Variants in ZNF804A observed in about 807,000 individuals in gnomAD.
The protein encoded by ZNF804A is zinc finger protein 804A.
Under a neutral mutation model 16.5 loss-of-function variants are expected in ZNF804A, and 2 were observed. The observed-to-expected ratio is 0.12, with a 90% confidence interval of 0.05 to 0.38. The LOEUF is 0.38. ZNF804A is among the 10% of genes least tolerant of loss of function. ZNF804A has a pLI of 0.99. For synonymous variants in ZNF804A, 534 were observed against 489.6 expected, an observed-to-expected ratio of 1.09 and a Z score of -1.20; for missense variants, 1,473 against 1,390.7, an observed-to-expected ratio of 1.06 and a Z score of -0.94.
chr2:184,707,696 G>A (rs747209898), intron 1 of ZNF804A, among the ~76,000 whole-genome samples: 11 of 152,068 alleles, frequency 7.2e-5, no homozygotes, highest in Non-Finnish European at 1.2e-4. Flanking sequence ...CTATGGATGA[G>A]CATCTAGGTT....
At chr2:184,761,828 A>T (rs1342178464) in intron 1 of ZNF804A, among the ~76,000 whole-genome samples, 3 of 152,134 alleles carry the variant, frequency 2.0e-5, no homozygotes, top group African/African-American at 7.2e-5. Flanking sequence ...AATAGAACTG[A>T]GATGAACTTT....
chr2:184,901,256 G>A (rs1055084000), intron 2 of ZNF804A, among the ~76,000 whole-genome samples: 1 of 152,074 alleles, frequency 6.6e-6, no homozygotes, highest in East Asian at 1.9e-4. Context: ...TGGGATAAAC[G>A]ATTACAAAGG....
chr2:184,865,058 T>C (rs766413362), intron 1 of ZNF804A, among the ~76,000 whole-genome samples: 2 of 151,888 alleles, frequency 1.3e-5, no homozygotes, highest in Admixed American at 6.6e-5. Flanking sequence ...TTTTATATTT[T>C]TAGTAGAGAC....
At chr2:184,888,137 T>G (rs1292054856) in intron 2 of ZNF804A, among the ~76,000 whole-genome samples, 1 of 152,200 alleles carries the variant, frequency 6.6e-6, no homozygotes. Flanking sequence ...AAATTTTTAA[T>G]GAAAATTTAG....
At chr2:184,643,624 A>T (rs1460859840) in intron 1 of ZNF804A, among the ~76,000 whole-genome samples, 1 of 151,890 alleles carries the variant, frequency 6.6e-6, no homozygotes, top group African/African-American at 2.4e-5. Context: ...TTTATTGTGG[A>T]TTCTTCTAAT....
intron 1 of ZNF804A, among the ~76,000 whole-genome samples, chr2:184,655,807 T>A (rs1692066300): frequency 6.6e-6 from 1 of 152,044 alleles, no homozygotes; most frequent in Admixed American, 6.6e-5. Flanking sequence ...CCTTAACAAT[T>A]ACCATAAAAA....
At chr2:184,906,085 G>T (rs1204663778) in intron 2 of ZNF804A, among the ~76,000 whole-genome samples, 2 of 152,044 alleles carry the variant, frequency 1.3e-5, no homozygotes, top group East Asian at 3.9e-4. Context: ...TGTCATATTT[G>T]ATCATTGGAA....
At chr2:184,639,688 A>C (rs1691760604) in intron 1 of ZNF804A, among the ~76,000 whole-genome samples, 1 of 152,120 alleles carries the variant, frequency 6.6e-6, no homozygotes, top group South Asian at 2.1e-4. Context: ...ATAAATTTTT[A>C]TTTTGGAGGA....
chr2:184,643,394 T>C lies in ZNF804A; in HGVS notation c.111+44324T>C, dbSNP rs73043222. 7.2e-3 allele frequency among the ~76,000 whole-genome samples: 1,097 copies of C among 152,068 alleles called. 11 individuals are homozygous for C. Among genetic ancestry groups the C allele is most frequent in the African/African-American group, 0.025 (1,042 of 41,540 alleles). On this transcript the variant is annotated intron_variant, in intron 1 of 3. Transcript: ENST00000302277. The stretch of plus-strand genomic sequence containing the variant: ...GTCTAGGAGTCTTTTCTCATAGTAA[T>C]GTTGTGAAGAATGTACAATATACTT...
chr2:184,600,700 G>GA (rs148323086), intron 1 of ZNF804A, among the ~76,000 whole-genome samples: 2,015 of 151,276 alleles, frequency 0.013, 28 homozygotes, highest in African/African-American at 0.046. Context: ...GGGGTTTATA[G>GA]AAAAAAAAAG....
At chr2:184,605,526 A>C (rs1691131346) in intron 1 of ZNF804A, among the ~76,000 whole-genome samples, 1 of 152,112 alleles carries the variant, frequency 6.6e-6, no homozygotes, top group African/African-American at 2.4e-5. Context: ...GAAAAAAAGC[A>C]CATTGTATTT....
intron 1 of ZNF804A, among the ~76,000 whole-genome samples, chr2:184,693,484 C>T (rs1289537307): frequency 1.3e-5 from 2 of 152,144 alleles, no homozygotes; most frequent in South Asian, 2.1e-4. Flanking sequence ...ATATTGCACT[C>T]ACATTTCTCC....
In ZNF804A at chr2:184,723,404, A is replaced by G. The variant is rs534575918; in HGVS notation, c.111+124334A>G. Among the ~76,000 whole-genome samples the G allele has an allele frequency of 2.6e-5, 4 of 151,578 alleles. No individual in the cohort carries two copies. In the South Asian group the frequency reaches 8.3e-4, roughly 31 times the overall value. ...AATAAGATGATTTTCAAAATGTTTA[A>G]TTTTTTTTAAATTGGGAGAAAAATT... On this transcript the variant is annotated intron_variant, in intron 1 of 3. Transcript: ENST00000302277.
At chr2:184,607,380 C>G (rs1427738267) in intron 1 of ZNF804A, among the ~76,000 whole-genome samples, 1 of 152,134 alleles carries the variant, frequency 6.6e-6, no homozygotes, top group Non-Finnish European at 1.5e-5. Flanking sequence ...CCTCAGAAAA[C>G]TTACAATCAT....
chr2:184,634,395 G>A (rs1245450515), intron 1 of ZNF804A, among the ~76,000 whole-genome samples: 2 of 152,130 alleles, frequency 1.3e-5, no homozygotes, highest in African/African-American at 4.8e-5. Context: ...TTTTAAAAGT[G>A]ACTTTGCAGA....
chr2:184,610,642 A>G (rs1004485465), intron 1 of ZNF804A, among the ~76,000 whole-genome samples: 2 of 152,170 alleles, frequency 1.3e-5, no homozygotes, highest in Non-Finnish European at 2.9e-5. Flanking sequence ...CTGTAAAATT[A>G]CATTTGTGTT....
chr2:184,922,676 C>G (rs1456396965), intron 2 of ZNF804A, among the ~76,000 whole-genome samples: 1 of 151,958 alleles, frequency 6.6e-6, no homozygotes, highest in Non-Finnish European at 1.5e-5. Context: ...TCTTTGCCTA[C>G]TCCAATGTCC....
intron 2 of ZNF804A, among the ~76,000 whole-genome samples, chr2:184,901,255 C>T (rs1336267056): frequency 6.6e-6 from 1 of 151,958 alleles, no homozygotes; most frequent in Non-Finnish European, 1.5e-5. Context: ...TTGGGATAAA[C>T]GATTACAAAG....
At chr2:184,721,152 A>G (rs987525728) in intron 1 of ZNF804A, among the ~76,000 whole-genome samples, 1 of 152,198 alleles carries the variant, frequency 6.6e-6, no homozygotes, top group Non-Finnish European at 1.5e-5. Context: ...CTAGAAGAAG[A>G]CATAGGGGAA....
Sources: allele counts gnomAD v4.1 joint callset (sites outside exome capture counted in the v4.1 genomes callset), GRCh38; gene constraint gnomAD v4.1.1; transcripts MANE v1.5; gene names NCBI Gene and HGNC (gene_info 2026-07-23, HGNC 2026-07-21).